PSD3: variants seen among roughly 807,000 people sequenced by gnomAD.
PSD3 encodes the protein pleckstrin and Sec7 domain containing 3.
PSD3 carries 49 observed loss-of-function variants against 105.5 expected under a neutral mutation model. The observed-to-expected ratio is 0.46, with a 90% CI of 0.37 to 0.59. The LOEUF is 0.59. Ranked by LOEUF, PSD3 falls within the 20% of genes least tolerant of loss-of-function variation. PSD3 has a pLI of 0.00. For missense variants in PSD3, 1,561 were observed against 1,263.8 expected, an observed-to-expected ratio of 1.24 and a Z score of -3.57; for synonymous variants, 557 against 457.8, an observed-to-expected ratio of 1.22 and a Z score of -2.77.
At position 18,987,298 on chromosome 8, in the gene PSD3, A is replaced by AT. The variant is rs1446264942; in HGVS notation, c.21+26264dup. ...CTTTTTTATTTTTTTTTTTATATAT[A>AT]TTTTTTTAAGACGGAGTCTCGCACT... On this transcript the variant is annotated intron_variant, in intron 1 of 15. Coordinates refer to ENST00000327040, the MANE Select transcript of PSD3 (RefSeq NM_015310.4). Among the ~76,000 whole-genome samples, 66 of 145,328 alleles carry AT rather than the reference A, an allele frequency of 4.5e-4. 1 individual carries two copies. The South Asian group carries it at 0.013, about 29-fold the overall frequency.
intron 2 of PSD3, among the ~76,000 whole-genome samples, chr8:18,918,989 C>T (rs1307931463): frequency 1.3e-5 from 2 of 152,140 alleles, no homozygotes; most frequent in Non-Finnish European, 2.9e-5. Flanking sequence ...CTACAATTTC[C>T]TTAATTCTCC....
Position 18,804,738 on chromosome 8 carries a change from T to C in PSD3, c.1795A>G (p.Lys599Glu), listed in dbSNP as rs1359909452. 1.9e-6 allele frequency: 3 copies of C among 1,614,104 alleles called. No homozygotes were observed. Among genetic ancestry groups the C allele is most frequent in the South Asian group, 2.2e-5 (2 of 91,050 alleles). The change falls in exon 5 of 16, where the codon AAA (lysine) becomes GAA (glutamate). Residue 599 changes from lysine (K) to glutamate (E), a missense_variant. Lys to Glu is a moderately conservative substitution (Grantham distance 56). Coordinates refer to ENST00000327040, the MANE Select transcript of PSD3 (RefSeq NM_015310.4). The stretch of plus-strand genomic sequence containing the variant: ...AGGTGTTTTGCAACATCTGATCTTT[T>C]GAATCTGTCCAGCTGATAAAGGCGT... ...AKRLYQLDRF[K>E]RSDVAKHLGK...
At chr8:18,986,767 T>C (rs1002141459) in intron 1 of PSD3, among the ~76,000 whole-genome samples, 49 of 151,550 alleles carry the variant, frequency 3.2e-4, no homozygotes, top group African/African-American at 1.1e-3. Context: ...CAAAAGAGAG[T>C]ACTCCATTAA....
intron 4 of PSD3, among the ~76,000 whole-genome samples, chr8:18,857,206 C>T (rs895055946): frequency 3.3e-5 from 5 of 152,192 alleles, no homozygotes; most frequent in Admixed American, 2.6e-4. Context: ...CCCCTGAGAA[C>T]GGGGACTGGC....
At chr8:19,058,370 T>A (rs576760056) in intron 1 of PSD3, among the ~76,000 whole-genome samples, 3 of 150,260 alleles carry the variant, frequency 2.0e-5, no homozygotes, top group African/African-American at 7.3e-5. Context: ...ATTTTGGTGA[T>A]AGTTGTACAA....
chr8:18,913,413 C>T (rs1019285201), intron 2 of PSD3, among the ~76,000 whole-genome samples: 1 of 152,004 alleles, frequency 6.6e-6, no homozygotes, highest in Non-Finnish European at 1.5e-5. Context: ...GGCAATCATA[C>T]CCACTTCCAA....
chr8:18,638,365 C>T (rs543610224), intron 10 of PSD3, among the ~76,000 whole-genome samples: 1 of 150,994 alleles, frequency 6.6e-6, no homozygotes, highest in Non-Finnish European at 1.5e-5. Context: ...CTGATGCTGA[C>T]ATAATCTTAT....
chr8:18,655,729 T>C (rs1202536884), intron 9 of PSD3, 44 bp from the exon 10 acceptor site: 3 of 1,575,946 alleles, frequency 1.9e-6, no homozygotes, highest in Non-Finnish European at 1.7e-6. Context: ...TTCCATTCTG[T>C]TCCACATTTT....
chr8:18,586,841 C>T lies in PSD3; in HGVS notation c.2482-11556G>A, dbSNP rs1050460986. Among the ~76,000 whole-genome samples the T allele has an allele frequency of 1.2e-4, 19 of 152,046 alleles. 1 individual carries two copies. The highest frequency in any genetic ancestry group is 1.1e-3 in the Admixed American group (17 of 15,260). ...TAACTGGAAGCCCTTGGACAGGATT[C>T]CTTGATGCTGAGAAATGTATATGGG... is the stretch of plus-strand genomic sequence containing the variant. On this transcript the variant is annotated intron_variant, in intron 12 of 15. Coordinates refer to ENST00000327040, the MANE Select transcript of PSD3 (RefSeq NM_015310.4).
At chr8:18,853,082 T>A (rs773261895) in intron 4 of PSD3, among the ~76,000 whole-genome samples, 1 of 152,196 alleles carries the variant, frequency 6.6e-6, no homozygotes, top group African/African-American at 2.4e-5. Context: ...ACTCTGCTTA[T>A]GTCTCTCATA....
chr8:19,056,034 G>T (rs1233953934), intron 1 of PSD3, among the ~76,000 whole-genome samples: 1 of 152,160 alleles, frequency 6.6e-6, no homozygotes, highest in Non-Finnish European at 1.5e-5. Context: ...CTTTATGTCA[G>T]TCTGACTTCT....
At chr8:18,851,441 C>T (rs751302998) in intron 4 of PSD3, among the ~76,000 whole-genome samples, 1 of 152,232 alleles carries the variant, frequency 6.6e-6, no homozygotes, top group Non-Finnish European at 1.5e-5. Context: ...CCAGCTGGAA[C>T]CCAAAGCAGG....
chr8:18,830,708 G>A (rs1030566172), intron 4 of PSD3, among the ~76,000 whole-genome samples: 2 of 152,152 alleles, frequency 1.3e-5, no homozygotes, highest in African/African-American at 4.8e-5. Flanking sequence ...AGCATAACCC[G>A]AACTCCACCC....
chr8:18,897,437 C>T (rs189869996), intron 2 of PSD3, among the ~76,000 whole-genome samples: 64 of 152,110 alleles, frequency 4.2e-4, no homozygotes, highest in African/African-American at 1.1e-3. Context: ...TTTTGGAGTC[C>T]GGTAGTGTGA....
chr8:18,544,706 C>G (rs1800355869), intron 15 of PSD3, among the ~76,000 whole-genome samples: 1 of 152,192 alleles, frequency 6.6e-6, no homozygotes, highest in Non-Finnish European at 1.5e-5. Context: ...GAGCTCAACA[C>G]TAGCACAGTC....
chr8:18,804,747 C>G lies in PSD3; in HGVS notation c.1786G>C (p.Asp596His). Reference protein sequence around the residue: ...KRLAKRLYQLDRFKRSDVAKH... With the variant: ...KRLAKRLYQLHRFKRSDVAKH... Reference sequence around the variant, plus strand: ...GCAACATCTGATCTTTTGAATCTGTCCAGCTGATAAAGGCGTTTGGCCAAC... The same window carrying G: ...GCAACATCTGATCTTTTGAATCTGTGCAGCTGATAAAGGCGTTTGGCCAAC... The change falls in exon 5 of 16, where the codon GAC becomes CAC. Residue 596 changes from aspartate (D) to histidine (H), a missense_variant. Coordinates refer to ENST00000327040, the MANE Select transcript of PSD3 (RefSeq NM_015310.4). 6.2e-7 allele frequency: 1 copy of G among 1,614,098 alleles called. No homozygotes were observed. The highest frequency in any genetic ancestry group is 8.5e-7 in the Non-Finnish European group (1 of 1,179,992).
chr8:18,738,394 C>T (rs1031766535), intron 9 of PSD3, among the ~76,000 whole-genome samples: 4 of 152,088 alleles, frequency 2.6e-5, no homozygotes, highest in Non-Finnish European at 5.9e-5. Flanking sequence ...AGGGTGACTT[C>T]GAATTACAAT....
At chr8:18,737,058 G>C (rs1343970418) in intron 9 of PSD3, among the ~76,000 whole-genome samples, 1 of 152,176 alleles carries the variant, frequency 6.6e-6, no homozygotes, top group East Asian at 1.9e-4. Context: ...TTGTGGTTTA[G>C]TTGTCCATTG....
rs541064229 is a variant in PSD3, at chr8:18,632,413, A to G, written c.2410+200T>C. 8.5e-5 allele frequency among the ~76,000 whole-genome samples: 13 copies of G among 152,190 alleles called. No individual in the cohort carries two copies. In the South Asian group the frequency reaches 2.5e-3, roughly 29 times the overall value. On this transcript the variant is annotated intron_variant, in intron 11 of 15. Coordinates refer to ENST00000327040, the MANE Select transcript of PSD3 (RefSeq NM_015310.4). ...AAATTGAAAGGAGTTCTCCCTTTCT[A>G]AAGTTCTATAATTCTGCTTAGAGAA...
Sources: gnomAD v4.1 joint callset for allele counts (sites outside exome capture counted in the v4.1 genomes callset) on GRCh38, gnomAD v4.1.1 for gene constraint, MANE v1.5 for transcripts, NCBI Gene and HGNC (gene_info 2026-07-23, HGNC 2026-07-21) for gene names.